CMTM8: variants seen among roughly 807,000 people sequenced by gnomAD.
CMTM8 encodes CKLF like MARVEL transmembrane domain containing 8.
CMTM8 carries 12 observed loss-of-function variants against 18.6 expected under a neutral mutation model. That is an observed-to-expected ratio of 0.65 (90% CI 0.41 to 1.05). The LOEUF is 1.05. CMTM8 is among the 50% of genes least tolerant of loss of function. The probability of loss-of-function intolerance (pLI) is 0.00; values close to 1 mark genes in which losing one functional copy is unlikely to be tolerated. For missense variants in CMTM8, 217 were observed against 227.2 expected (o/e 0.95, Z 0.29); for synonymous variants, 87 against 90.6 (o/e 0.96, Z 0.23).
chr3:32,284,273 A>G (rs1702646635), intron 1 of CMTM8, among the ~76,000 whole-genome samples: 1 of 152,228 alleles, frequency 6.6e-6, no homozygotes, highest in Non-Finnish European at 1.5e-5. Context: ...AACAATAACA[A>G]AAAAATATAT....
chr3:32,261,042 C>T (rs767297826), intron 1 of CMTM8, among the ~76,000 whole-genome samples: 6 of 151,884 alleles, frequency 4.0e-5, no homozygotes, highest in Non-Finnish European at 8.8e-5. Flanking sequence ...AGCAACGTAG[C>T]GAGACCATGT....
intron 1 of CMTM8, among the ~76,000 whole-genome samples, chr3:32,256,018 G>A (rs1338936010): frequency 3.3e-5 from 5 of 152,062 alleles, no homozygotes; most frequent in African/African-American, 1.2e-4. Flanking sequence ...ATGAGCCACC[G>A]TGCCCAGCCA....
intron 1 of CMTM8, among the ~76,000 whole-genome samples, chr3:32,288,403 C>A (rs1702720272): frequency 6.6e-6 from 1 of 152,158 alleles, no homozygotes; most frequent in Non-Finnish European, 1.5e-5. Flanking sequence ...ACCTCAGCCT[C>A]CCAAGTAGCT....
intron 1 of CMTM8, among the ~76,000 whole-genome samples, chr3:32,287,134 A>G (rs1702701366): frequency 6.6e-6 from 1 of 152,224 alleles, no homozygotes; most frequent in African/African-American, 2.4e-5. Context: ...GACCCAATCC[A>G]TTACAAAGTT....
At chr3:32,299,588 T>C (rs938431923) in intron 1 of CMTM8, among the ~76,000 whole-genome samples, 1 of 152,192 alleles carries the variant, frequency 6.6e-6, no homozygotes, top group African/African-American at 2.4e-5. Context: ...GAAAATGAGG[T>C]ATCTATTCCC....
chr3:32,338,879 G>T (rs1168631626), intron 1 of CMTM8, among the ~76,000 whole-genome samples: 1 of 152,228 alleles, frequency 6.6e-6, no homozygotes, highest in East Asian at 1.9e-4. Flanking sequence ...CAGAGCTGCA[G>T]TCACTTAAAG....
At chr3:32,301,480 G>A (rs1695618003) in intron 1 of CMTM8, among the ~76,000 whole-genome samples, 1 of 151,982 alleles carries the variant, frequency 6.6e-6, no homozygotes, top group South Asian at 2.1e-4. Flanking sequence ...TTCAATATAT[G>A]GGCAAAAGGA....
intron 1 of CMTM8, among the ~76,000 whole-genome samples, chr3:32,343,576 G>C (rs901798849): frequency 2.0e-5 from 3 of 152,158 alleles, no homozygotes; most frequent in Non-Finnish European, 4.4e-5. Flanking sequence ...TTGCATTCTT[G>C]TATCACCATA....
intron 1 of CMTM8, among the ~76,000 whole-genome samples, chr3:32,254,910 C>T (rs938248295): frequency 2.6e-5 from 4 of 152,158 alleles, no homozygotes; most frequent in African/African-American, 9.7e-5. Context: ...TCCATTTCTT[C>T]CCAAATCCTC....
intron 1 of CMTM8, among the ~76,000 whole-genome samples, chr3:32,274,299 C>CA (rs11391716): frequency 0.17 from 23,507 of 134,780 alleles, 1,940 homozygotes; most frequent in Middle Eastern, 0.28. Flanking sequence ...GACCCTGTCT[C>CA]AAAAAAAAAA....
chr3:32,308,677 C>G (rs185591822), intron 1 of CMTM8, among the ~76,000 whole-genome samples: 1 of 152,250 alleles, frequency 6.6e-6, no homozygotes, highest in African/African-American at 2.4e-5. Flanking sequence ...ATGGAAAGCC[C>G]TTAGAACACT....
At chr3:32,306,502 A>G (rs1001703568) in intron 1 of CMTM8, among the ~76,000 whole-genome samples, 5 of 152,210 alleles carry the variant, frequency 3.3e-5, no homozygotes, top group African/African-American at 1.2e-4. Flanking sequence ...GTATGCATCC[A>G]CCACCTTTTG....
At chr3:32,298,379 A>T (rs1267289387) in intron 1 of CMTM8, among the ~76,000 whole-genome samples, 1 of 151,840 alleles carries the variant, frequency 6.6e-6, no homozygotes, top group African/African-American at 2.4e-5. Flanking sequence ...GCCCCTAATT[A>T]AAAACTCTAT....
intron 1 of CMTM8, among the ~76,000 whole-genome samples, chr3:32,319,155 T>C (rs926945422): frequency 1.4e-5 from 2 of 142,076 alleles, no homozygotes; most frequent in African/African-American, 5.3e-5. Flanking sequence ...CTCAGCTCAC[T>C]GCAACCTCTG....
At chr3:32,357,240 A>G (rs948999597) in intron 1 of CMTM8, 133 bp from the exon 2 acceptor site, 4 of 796,898 alleles carry the variant, frequency 5.0e-6, no homozygotes, top group African/African-American at 1.8e-5. Context: ...GCGAGACTCC[A>G]TCTCAAATAA....
intron 1 of CMTM8, among the ~76,000 whole-genome samples, chr3:32,326,234 T>G (rs1696150535): frequency 6.6e-6 from 1 of 152,244 alleles, no homozygotes; most frequent in East Asian, 1.9e-4. Context: ...CTTGAAGATG[T>G]GCCAACTCTG....
chr3:32,359,393 C>G (rs1051788633), intron 2 of CMTM8, among the ~76,000 whole-genome samples: 1 of 152,138 alleles, frequency 6.6e-6, no homozygotes, highest in African/African-American at 2.4e-5. Flanking sequence ...GGTTTGAGAC[C>G]AGCCTGGCCA....
intron 1 of CMTM8, chr3:32,259,401 A>G (rs1476510458): frequency 2.3e-6 from 2 of 865,744 alleles, no homozygotes; most frequent in Non-Finnish European, 4.0e-6. Flanking sequence ...CTGCAGATTG[A>G]CAATGCCTGT....
chr3:32,303,116 T>C (rs535136568), intron 1 of CMTM8, among the ~76,000 whole-genome samples: 16 of 152,230 alleles, frequency 1.1e-4, no homozygotes, highest in Non-Finnish European at 2.2e-4. Flanking sequence ...TGCAGGCGTC[T>C]AGGATCCAAA....
Sources: allele counts gnomAD v4.1 joint callset (sites outside exome capture counted in the v4.1 genomes callset), GRCh38; gene constraint gnomAD v4.1.1; transcripts MANE v1.5; gene names NCBI Gene and HGNC (gene_info 2026-07-23, HGNC 2026-07-21).